The following CCNJL variants were observed in gnomAD, a reference collection of about 807,000 sequenced individuals.
The protein encoded by CCNJL is cyclin J like.
In CCNJL, 33 loss-of-function variants were observed where a neutral mutation model predicts 33.4. The ratio of observed to expected loss-of-function variants is 0.99; its 90% CI spans 0.75 to 1.32. CCNJL has a LOEUF of 1.32. Among genes scored for constraint, CCNJL ranks in the 40% most tolerant of loss-of-function variants. CCNJL has a pLI of 0.00. For synonymous variants in CCNJL, 227 were observed against 220.9 expected (o/e 1.03, Z -0.24); for missense variants, 512 against 499.7 (o/e 1.02, Z -0.23).
chr5:160,313,837 A>T (rs183894625), upstream of CCNJL, among the ~76,000 whole-genome samples: 23 of 152,372 alleles, frequency 1.5e-4, no homozygotes, highest in Middle Eastern at 3.4e-3. Context: ...AAATGGGAGA[A>T]TATCTGCGAG....
chr5:160,335,739 T>G (rs1390711882), intron 1 of CCNJL, among the ~76,000 whole-genome samples: 1 of 131,332 alleles, frequency 7.6e-6, no homozygotes, highest in East Asian at 2.3e-4. Flanking sequence ...GTCTAATTTT[T>G]TTTTTTGAAA....
At chr5:160,319,748 TAGTG>T (rs1196561068) in intron 1 of CCNJL, among the ~76,000 whole-genome samples, 1 of 152,038 alleles carries the variant, frequency 6.6e-6, no homozygotes, top group Admixed American at 6.6e-5. Flanking sequence ...CTAGGAAACA[TAGTG>T]AGACCGTTTC....
chr5:160,272,760 T>C (rs959324643), intron 3 of CCNJL, among the ~76,000 whole-genome samples: 1 of 152,234 alleles, frequency 6.6e-6, no homozygotes, highest in African/African-American at 2.4e-5. Context: ...TTAAAACTTC[T>C]GTAAGGCAAT....
chr5:160,253,122 G>T lies in CCNJL; in HGVS notation c.*256C>A. ...TCTCGATTCACTGGGCCCCTGTGTG[G>T]GGGGACGGCCACCAAGCCATCCTTT... On this transcript the variant is annotated 3_prime_UTR_variant, in exon 6 of 6. Coordinates refer to ENST00000257536, the MANE Select transcript of CCNJL (RefSeq NM_001308173.3). The T allele has an allele frequency of 2.5e-6, 1 of 393,836 alleles. No homozygotes were observed. Among genetic ancestry groups the T allele is most frequent in the Non-Finnish European group, 4.5e-6 (1 of 221,226 alleles). 24.4% of individuals were successfully genotyped at this position (393,836 alleles called of 1,614,324 possible).
intron 5 of CCNJL, chr5:160,254,308 G>T: frequency 1.5e-6 from 1 of 671,502 alleles, no homozygotes; most frequent in Admixed American, 2.3e-5. Flanking sequence ...GACCGCTGGG[G>T]CCTAGGATTT....
chr5:160,255,867 A>G (rs1761043321), intron 4 of CCNJL, among the ~76,000 whole-genome samples, 159 bp from the exon 5 acceptor site: 1 of 152,100 alleles, frequency 6.6e-6, no homozygotes, highest in African/African-American at 2.4e-5. Context: ...CCATTTTTGA[A>G]TCTTAACCTT....
chr5:160,275,714 T>C (rs1761986559), intron 3 of CCNJL, among the ~76,000 whole-genome samples: 1 of 152,192 alleles, frequency 6.6e-6, no homozygotes, highest in South Asian at 2.1e-4. Flanking sequence ...TAATAAGGTC[T>C]TACAGTTAAG....
At chr5:160,321,270 T>C (rs1364309414) in intron 1 of CCNJL, among the ~76,000 whole-genome samples, 2 of 151,942 alleles carry the variant, frequency 1.3e-5, no homozygotes, top group Non-Finnish European at 2.9e-5. Flanking sequence ...AAAGGCACCA[T>C]TAACTTCAAC....
chr5:160,309,914 T>C (rs923213652), intron 2 of CCNJL, among the ~76,000 whole-genome samples: 3 of 152,198 alleles, frequency 2.0e-5, no homozygotes, highest in Admixed American at 1.3e-4. Context: ...GGCAGCCCAA[T>C]AGTAAACTCA....
chr5:160,331,689 G>A (rs1581024159), intron 1 of CCNJL, among the ~76,000 whole-genome samples: 1 of 152,128 alleles, frequency 6.6e-6, no homozygotes, highest in Non-Finnish European at 1.5e-5. Context: ...CTTCAACCCA[G>A]GTTCAATACA....
rs1561812833 is a variant in CCNJL at position 160,321,054 on chromosome 5, CTTT to C, written n.207-5552_207-5550del. On this transcript the variant is annotated intron_variant and non_coding_transcript_variant, in intron 1 of 7. Transcript: ENST00000377503. ...TCTTTCTTTCTTTCTTTCTTTCTTT[CTTT>C]CTTTCTTTCTTTCTTTCTTTCTTTC... Among the ~76,000 whole-genome samples, 79 of 118,904 alleles carry C rather than the reference CTTT, an allele frequency of 6.6e-4. 4 individuals are homozygous for C. The highest frequency in any genetic ancestry group is 3.8e-3 in the Middle Eastern group (1 of 266). The allele number at this position is 118,904 out of a possible 152,430, so 78.0% of individuals were successfully genotyped here. A position where few individuals can be genotyped will look rare whatever the true frequency, so the allele number is the denominator to read the frequency against.
chr5:160,276,407 C>T (rs1762013137), intron 3 of CCNJL: 1 of 147,218 alleles, frequency 6.8e-6, no homozygotes, highest in Admixed American at 6.8e-5. Context: ...AAGAGCGAAA[C>T]TCCGTCTCAA....
In CCNJL at chr5:160,278,567, G is replaced by A. The variant is rs112388721; in HGVS notation, c.280+1958C>T. On this transcript the variant is annotated intron_variant, in intron 3 of 5. Transcript: ENST00000257536. ...CCTGAAAAATCTGTTCCTGCTGCCC[G>A]AGGCTGTGCTGCCCTCAGACACGTG... Among the ~76,000 whole-genome samples, 914 of 152,222 alleles carry A rather than the reference G, an allele frequency of 6.0e-3. 8 individuals are homozygous for A. The highest frequency in any genetic ancestry group is 0.017 in the Middle Eastern group (5 of 294).
At position 160,250,174 on chromosome 5, in the gene CCNJL, A is replaced by C. The variant is rs189024382; in HGVS notation, c.*3204T>G. The C allele has an allele frequency of 2.9e-3, 449 of 152,334 alleles. 1 individual carries two copies. The highest frequency in any genetic ancestry group is 0.01 in the African/African-American group (432 of 41,576). 9.4% of individuals were successfully genotyped at this position (152,334 alleles called of 1,614,324 possible). The stretch of plus-strand genomic sequence containing the variant: ...CCACAGAGGTCACAGCCTCTGTGGC[A>C]CAGTCTCCCCCCGCCCCAAGAGCTT... On this transcript the variant is annotated 3_prime_UTR_variant, in exon 6 of 6. Coordinates refer to ENST00000257536, the MANE Select transcript of CCNJL (RefSeq NM_001308173.3).
chr5:160,281,881 C>T (rs1039896007), intron 2 of CCNJL, among the ~76,000 whole-genome samples: 1 of 152,244 alleles, frequency 6.6e-6, no homozygotes, highest in African/African-American at 2.4e-5. Flanking sequence ...TCTCAAACTC[C>T]TGACCTCAAG....
intron 3 of CCNJL, among the ~76,000 whole-genome samples, chr5:160,265,581 G>C (rs1580959005): frequency 1.3e-5 from 2 of 151,934 alleles, no homozygotes; most frequent in South Asian, 4.1e-4. Flanking sequence ...GTTGCAGTGA[G>C]CCAAGACCAC....
intron 4 of CCNJL, among the ~76,000 whole-genome samples, chr5:160,256,134 C>T (rs1347990934): frequency 1.3e-5 from 2 of 152,192 alleles, no homozygotes; most frequent in African/African-American, 4.8e-5. Context: ...AGCAATCCTC[C>T]TGCCTCAGCC....
intron 2 of CCNJL, among the ~76,000 whole-genome samples, chr5:160,282,974 T>TATATATATATAC (rs1561791070): frequency 1.7e-4 from 8 of 45,954 alleles, no homozygotes; most frequent in Non-Finnish European, 2.4e-4. Context: ...GGAATATATA[T>TATATATATATAC]ATATATATAT....
chr5:160,286,903 A>G (rs1170533849), intron 2 of CCNJL, among the ~76,000 whole-genome samples: 2 of 152,130 alleles, frequency 1.3e-5, no homozygotes, highest in African/African-American at 4.8e-5. Context: ...TTCTCTTGGT[A>G]GTCTTCTCTT....
Sources: allele counts gnomAD v4.1 joint callset (sites outside exome capture counted in the v4.1 genomes callset), GRCh38; gene constraint gnomAD v4.1.1; transcripts MANE v1.5; gene names NCBI Gene and HGNC (gene_info 2026-07-23, HGNC 2026-07-21).